ACOT7: variants seen among roughly 807,000 people sequenced by gnomAD.
The protein encoded by ACOT7 is cytosolic acyl coenzyme A thioester hydrolase.
A neutral mutation model predicts 40.2 loss-of-function variants in ACOT7; 12 were observed. That is an observed-to-expected ratio of 0.30 (90% confidence interval 0.19 to 0.48). The LOEUF is 0.48. Among genes scored for constraint, ACOT7 ranks in the 20% least tolerant of loss-of-function variants. ACOT7 has a pLI of 0.99. For missense variants in ACOT7, 395 were observed against 530.8 expected (o/e 0.74, Z 2.51); for synonymous variants, 228 against 219.5 (o/e 1.04, Z -0.34).
chr1:6,385,378 C>T (rs1642417430), intron 1 of ACOT7: 1 of 1,297,392 alleles, frequency 7.7e-7, no homozygotes, highest in Non-Finnish European at 1.1e-6. Flanking sequence ...TCATCCAACA[C>T]CCGACCCTAC....
intron 4 of ACOT7, 42 bp downstream of exon 4, chr1:6,333,435 C>G: frequency 6.2e-7 from 1 of 1,607,488 alleles, no homozygotes; most frequent in Non-Finnish European, 8.5e-7. Context: ...GACCTGATCT[C>G]TGCCATCTGC....
In ACOT7 at chr1:6,278,979, C is replaced by T. The variant is rs1403558901; in HGVS notation, c.1014+2123G>A. On this transcript the variant is annotated intron_variant, in intron 8 of 8. Transcript: ENST00000361521. The surrounding 1 kb of genome is among the most constrained non-coding windows in gnomAD (Gnocchi z 4.1). ...TAGGGGGCGGGGAAGGAGAGAGCTTCGGAAATGTGCCTGGGTCAGGTGGGG... is the reference window on the plus strand; with the variant it reads ...TAGGGGGCGGGGAAGGAGAGAGCTTTGGAAATGTGCCTGGGTCAGGTGGGG... Among the ~76,000 whole-genome samples, 1 of 152,130 alleles carries T rather than the reference C, an allele frequency of 6.6e-6. No homozygotes were observed. The highest frequency in any genetic ancestry group is 1.9e-4 in the East Asian group (1 of 5,192).
At chr1:6,297,805 A>G (rs943997158) in intron 6 of ACOT7, among the ~76,000 whole-genome samples, 1 of 152,150 alleles carries the variant, frequency 6.6e-6, no homozygotes, top group Non-Finnish European at 1.5e-5. Context: ...AGTGGGAAAG[A>G]GGTGAGGCAG....
Position 6,330,888 on chromosome 1 carries a change from A to G in ACOT7, c.510+2589T>C, listed in dbSNP as rs12063276. ...GCTGAAGCCAGGCATGGGGCCTGGGAGAGATTTCAGAACTGGGTAGCATCT... is the reference window on the plus strand; with the variant it reads ...GCTGAAGCCAGGCATGGGGCCTGGGGGAGATTTCAGAACTGGGTAGCATCT... On this transcript the variant is annotated intron_variant, in intron 4 of 8. Transcript: ENST00000361521. This position sits in a 1 kb window ranked among gnomAD's most constrained non-coding sequence, Gnocchi z 4.6. Among the ~76,000 whole-genome samples, 454 of 152,324 alleles carry G rather than the reference A, an allele frequency of 3.0e-3. 2 individuals carry two copies. The highest frequency in any genetic ancestry group is 0.01 in the Middle Eastern group (3 of 294).
intron 1 of ACOT7, among the ~76,000 whole-genome samples, chr1:6,378,183 C>T (rs931823799): frequency 4.2e-5 from 6 of 143,880 alleles, no homozygotes; most frequent in African/African-American, 1.2e-4. Flanking sequence ...CCTGGGTGCC[C>T]GAGAGGTAGT....
chr1:6,392,854 G>A (rs971327485), intron 1 of ACOT7, among the ~76,000 whole-genome samples: 1 of 152,210 alleles, frequency 6.6e-6, no homozygotes, highest in African/African-American at 2.4e-5. Flanking sequence ...CCTCGAGGAG[G>A]CTAAGCAGGA....
At chr1:6,276,996 C>CCG (rs879479586) in intron 8 of ACOT7, among the ~76,000 whole-genome samples, 1 of 152,078 alleles carries the variant, frequency 6.6e-6, no homozygotes, top group Non-Finnish European at 1.5e-5. Flanking sequence ...GACCACCCCC[C>CCG]CCCAGGGTAT....
chr1:6,290,022 G>GTA (rs1161749195), intron 7 of ACOT7, among the ~76,000 whole-genome samples: 2 of 152,188 alleles, frequency 1.3e-5, no homozygotes, highest in Admixed American at 6.5e-5. Context: ...TTGTTCTGGG[G>GTA]TACCCGGGTG....
intron 3 of ACOT7, 91 bp from the exon 4 acceptor site, chr1:6,333,659 C>G: frequency 7.9e-7 from 1 of 1,262,842 alleles, no homozygotes. Flanking sequence ...CTCCAGCGCC[C>G]GGTCCCAGTA....
intron 2 of ACOT7, among the ~76,000 whole-genome samples, chr1:6,345,394 A>C (rs1201924133): frequency 6.6e-6 from 1 of 152,234 alleles, no homozygotes; most frequent in East Asian, 1.9e-4. Context: ...CCTGGGTTCA[A>C]ATCCTAGCTC....
intron 1 of ACOT7, chr1:6,360,591 C>T: frequency 6.2e-7 from 1 of 1,614,242 alleles, no homozygotes; most frequent in South Asian, 1.1e-5. Flanking sequence ...CTCCCCAAAA[C>T]AGGCCCTGTC....
chr1:6,281,161 A>G lies in ACOT7; in HGVS notation c.955T>C (p.Phe319Leu). ...TGGCTCAGCGACACGTAGGTGAAGA[A>G]GGCACTGGCGGCCCGGTAGCGCTTC... ...SQKRYRAASA[F>L]FTYVSLSQEG... Residue 319 changes from phenylalanine to leucine, a missense_variant, in exon 8 of 9, where the codon TTC (phenylalanine) becomes CTC (leucine). Phe to Leu is a conservative substitution (Grantham distance 22). Around this residue, in one of 2 missense-constraint regions of ACOT7, gnomAD observed 309 missense variants for 470.3 expected, o/e 0.66. Transcript: ENST00000361521. 6.2e-7 allele frequency: 1 copy of G among 1,614,166 alleles called. No individual in the cohort carries two copies. The highest frequency in any genetic ancestry group is 8.5e-7 in the Non-Finnish European group (1 of 1,180,044).
chr1:6,380,927 C>A (rs1046832550), intron 1 of ACOT7, among the ~76,000 whole-genome samples: 2 of 151,756 alleles, frequency 1.3e-5, no homozygotes, highest in African/African-American at 4.8e-5. Context: ...ACAATATCAA[C>A]AGAGTATAAA....
chr1:6,341,734 T>TC (rs1641283648), intron 2 of ACOT7, among the ~76,000 whole-genome samples: 1 of 151,952 alleles, frequency 6.6e-6, no homozygotes, highest in Admixed American at 6.5e-5. Flanking sequence ...AGAGCGAGAC[T>TC]CCGTCTCAAA....
Position 6,306,906 on chromosome 1 carries a change from T to C in ACOT7, c.712+11586A>G. 7.8e-7 allele frequency: 1 copy of C among 1,289,122 alleles called. No individual in the cohort carries two copies. Among genetic ancestry groups the C allele is most frequent in the Non-Finnish European group, 1.0e-6 (1 of 988,682 alleles). The allele number at this position is 1,289,122 out of a possible 1,614,324, so 79.9% of individuals were successfully genotyped here. On this transcript the variant is annotated intron_variant, in intron 6 of 8. Transcript: ENST00000361521. The surrounding 1 kb of genome is among the most constrained non-coding windows in gnomAD (Gnocchi z 4.3). ...TCCTGCAGGTGCAAAAGATTGTTTT[T>C]TCACAACTGCCCCAAGAAGACCAAG...
intron 4 of ACOT7, among the ~76,000 whole-genome samples, chr1:6,329,145 C>T (rs1640887344): frequency 6.6e-6 from 1 of 152,240 alleles, no homozygotes; most frequent in Admixed American, 6.5e-5. Context: ...CTTTCAAAAG[C>T]CAGTTTTAAA....
intron 8 of ACOT7, among the ~76,000 whole-genome samples, chr1:6,269,057 T>C (rs1638943341): frequency 1.3e-5 from 2 of 152,322 alleles, no homozygotes; most frequent in South Asian, 2.1e-4. Context: ...CGCGGCAGGC[T>C]GTGCACATCA....
intron 5 of ACOT7, among the ~76,000 whole-genome samples, chr1:6,323,174 G>C (rs925848661): frequency 6.6e-6 from 1 of 152,056 alleles, no homozygotes; most frequent in Admixed American, 6.6e-5. Context: ...ACACTTAGGA[G>C]ACCTCAGGTA....
chr1:6,384,759 C>T (rs1360441643), intron 1 of ACOT7, among the ~76,000 whole-genome samples: 1 of 151,798 alleles, frequency 6.6e-6, no homozygotes, highest in Non-Finnish European at 1.5e-5. Context: ...ATACTAGACA[C>T]TCTTAGGACT....
Sources: allele counts gnomAD v4.1 joint callset (sites outside exome capture counted in the v4.1 genomes callset), GRCh38; gene constraint gnomAD v4.1.1; regional missense constraint gnomAD v4.1.1; non-coding constraint Gnocchi (gnomAD v3.1); transcripts MANE v1.5; gene names NCBI Gene and HGNC (gene_info 2026-07-23, HGNC 2026-07-21).